Variants in WWP2 observed in about 807,000 individuals in gnomAD.
The protein encoded by WWP2 is NEDD4-like E3 ubiquitin-protein ligase WWP2.
Under a neutral mutation model 121.0 loss-of-function variants are expected in WWP2, and 57 were observed. That is an observed-to-expected ratio of 0.47 (90% CI 0.38 to 0.59). WWP2 has a LOEUF of 0.59. Ranked by LOEUF, WWP2 falls within the 20% of genes least tolerant of loss-of-function variation. The pLI, the probability that WWP2 is intolerant of heterozygous loss-of-function variation, is 0.00. For missense variants in WWP2, 962 were observed against 1,158.9 expected, an observed-to-expected ratio of 0.83 and a Z score of 2.47; for synonymous variants, 449 against 441.3, an observed-to-expected ratio of 1.02 and a Z score of -0.22.
At position 69,762,410 on chromosome 16, in the gene WWP2, G is replaced by A. The variant is rs1396813233; in HGVS notation, c.-16+19G>A. On this transcript the variant is annotated intron_variant, in intron 1 of 23. Coordinates refer to ENST00000359154, the MANE Select transcript of WWP2 (RefSeq NM_001270454.2). ...ACGGCAGGTAGCGAGCGCTGGCGCG[G>A]GGGGCGCGGTGGGCTGGCTGCCTGC... 3.3e-5 allele frequency: 5 copies of A among 149,524 alleles called. No homozygotes were observed. Among genetic ancestry groups the A allele is most frequent in the Admixed American group, 1.3e-4 (2 of 14,966 alleles). The allele number at this position is 149,524 out of a possible 1,614,324, so 9.3% of individuals were successfully genotyped here.
chr16:69,870,224 C>G (rs961241264), intron 6 of WWP2, among the ~76,000 whole-genome samples: 2 of 151,992 alleles, frequency 1.3e-5, no homozygotes, highest in African/African-American at 4.8e-5. Flanking sequence ...CACACAGTGC[C>G]TGGAACATAA....
chr16:69,903,754 A>T (rs2058242722), intron 8 of WWP2, among the ~76,000 whole-genome samples: 1 of 151,422 alleles, frequency 6.6e-6, no homozygotes, highest in Non-Finnish European at 1.5e-5. Flanking sequence ...GCGACAGAGC[A>T]AGAATCTGTC....
intron 7 of WWP2, among the ~76,000 whole-genome samples, chr16:69,885,622 G>A (rs940257290): frequency 1.3e-5 from 2 of 152,196 alleles, no homozygotes; most frequent in African/African-American, 4.8e-5. Flanking sequence ...GGTTGAATTA[G>A]AGGATGTGCA....
rs1361364883 is a variant in WWP2, at chr16:69,848,379, A to AG, written c.575+6260dup. 5.3e-5 allele frequency among the ~76,000 whole-genome samples: 8 copies of AG among 152,012 alleles called. No individual in the cohort carries two copies. In the South Asian group the frequency reaches 1.7e-3, roughly 32 times the overall value. On this transcript the variant is annotated intron_variant, in intron 6 of 23. Coordinates refer to ENST00000359154, the MANE Select transcript of WWP2 (RefSeq NM_001270454.2). ...GCAGGAGAATCACTTGAATCTGGGA[A>AG]GTGGAGGTTGTGGTGAGCCCAGATC...
At chr16:69,825,916 A>G (rs1295203087) in intron 4 of WWP2, among the ~76,000 whole-genome samples, 1 of 151,998 alleles carries the variant, frequency 6.6e-6, no homozygotes. Context: ...GAGCCACCAC[A>G]CCCTGCCTGG....
At chr16:69,906,277 T>C (rs191060987) in intron 8 of WWP2, among the ~76,000 whole-genome samples, 2 of 152,236 alleles carry the variant, frequency 1.3e-5, no homozygotes, top group East Asian at 1.9e-4. Context: ...TTTTACTGTG[T>C]TAGCCAGGAT....
intron 16 of WWP2, 144 bp from the exon 17 acceptor site, chr16:69,933,825 GC>G: frequency 2.3e-6 from 2 of 878,724 alleles, no homozygotes; most frequent in Middle Eastern, 3.1e-4. Context: ...ATATAGGTTA[GC>G]CCGGGTGCTT....
chr16:69,930,280 C>G (rs1204871961), intron 13 of WWP2, 22 bp downstream of exon 13: 1 of 1,611,666 alleles, frequency 6.2e-7, no homozygotes, highest in Non-Finnish European at 8.5e-7. Flanking sequence ...GTGCAGGTAG[C>G]AGCAGTGTCA....
At chr16:69,823,706 G>A (rs1434883701) in intron 4 of WWP2, among the ~76,000 whole-genome samples, 5 of 152,178 alleles carry the variant, frequency 3.3e-5, no homozygotes. Flanking sequence ...GACCTCAAGT[G>A]ATCTGCCTGC....
intron 6 of WWP2, among the ~76,000 whole-genome samples, chr16:69,848,167 G>A (rs545106111): frequency 4.3e-4 from 65 of 152,220 alleles, no homozygotes; most frequent in Non-Finnish European, 7.3e-4. Context: ...TCAGCTGGGC[G>A]CAGTGGCTCA....
intron 1 of WWP2, among the ~76,000 whole-genome samples, chr16:69,767,946 T>C (rs1448255530): frequency 3.3e-5 from 5 of 152,192 alleles, no homozygotes; most frequent in African/African-American, 4.8e-5. Flanking sequence ...CAAGTGATCC[T>C]CCCATCTTAG....
chr16:69,805,162 A>G (rs779372839), intron 4 of WWP2, among the ~76,000 whole-genome samples: 1 of 151,408 alleles, frequency 6.6e-6, no homozygotes, highest in Non-Finnish European at 1.5e-5. Context: ...GCCTCAGACT[A>G]CTGAGTAGCT....
rs143156114 is a variant in WWP2, at chr16:69,871,818, C to G, written c.590C>G (p.Ser197Trp). The G allele has an allele frequency of 6.2e-7, 1 of 1,614,112 alleles. No individual in the cohort carries two copies. Among genetic ancestry groups the G allele is most frequent in the African/African-American group, 1.3e-5 (1 of 75,048 alleles). ...TGAACCCCCAGGACGCACAGACATT[C>G]GGGTGCTTCAGCCAGAACAACCCCA... Reference protein sequence around the residue: ...FGGRSRTHRHSGASARTTPAT... With the variant: ...FGGRSRTHRHWGASARTTPAT... Residue 197 changes from serine to tryptophan, a missense_variant, in exon 7 of 24, where the codon TCG becomes TGG. Physicochemically the swap from Ser to Trp is radical, Grantham distance 177 (BLOSUM62 -3). This residue lies in a region of WWP2 where 211 missense variants were observed against 196.5 expected (regional missense o/e 1.07). Coordinates refer to ENST00000359154, the MANE Select transcript of WWP2 (RefSeq NM_001270454.2).
At position 69,843,337 on chromosome 16, in the gene WWP2, T is replaced by C. The variant is rs572349978; in HGVS notation, c.575+1217T>C. The stretch of plus-strand genomic sequence containing the variant: ...CTGAAATTCCCATTTTATACCTGTG[T>C]TAGTGGTGCAAACTCATTTCCATGG... On this transcript the variant is annotated intron_variant, in intron 6 of 23. Coordinates refer to ENST00000359154, the MANE Select transcript of WWP2 (RefSeq NM_001270454.2). Among the ~76,000 whole-genome samples, 4 of 152,208 alleles carry C rather than the reference T, an allele frequency of 2.6e-5. No individual in the cohort carries two copies. In the East Asian group the frequency reaches 7.7e-4, roughly 29 times the overall value.
chr16:69,902,998 G>A (rs547779617), intron 8 of WWP2, among the ~76,000 whole-genome samples: 1 of 152,330 alleles, frequency 6.6e-6, no homozygotes, highest in Admixed American at 6.5e-5. Flanking sequence ...TTTAATCTGA[G>A]CAGGGGTCCA....
chr16:69,893,298 C>T (rs748082528), intron 8 of WWP2, among the ~76,000 whole-genome samples: 2 of 152,176 alleles, frequency 1.3e-5, no homozygotes, highest in Admixed American at 6.5e-5. Flanking sequence ...CCAAGGTGGC[C>T]GGGAGCCTGG....
At chr16:69,921,209 T>TC (rs1280157708) in intron 10 of WWP2, among the ~76,000 whole-genome samples, 4 of 152,174 alleles carry the variant, frequency 2.6e-5, no homozygotes, top group Non-Finnish European at 4.4e-5. Context: ...TTGATTTTCC[T>TC]CCCCCTCTGG....
At chr16:69,826,124 G>A (rs2056683187) in intron 4 of WWP2, among the ~76,000 whole-genome samples, 2 of 151,502 alleles carry the variant, frequency 1.3e-5, no homozygotes, top group African/African-American at 2.4e-5. Context: ...AAAATTAGCC[G>A]GGTGTGGTGG....
Position 69,856,935 on chromosome 16 carries a change from GTT to G in WWP2, c.575+14821_575+14822del, listed in dbSNP as rs948998090. Among the ~76,000 whole-genome samples, 6 of 151,994 alleles carry G rather than the reference GTT, an allele frequency of 3.9e-5. No homozygotes were observed. The East Asian group carries it at 1.2e-3, about 29-fold the overall frequency. ...ATTTGGTACTTATATTTTAGGTAGT[GTT>G]TTTTTGTAACAGCATTTAACTAGAG... On this transcript the variant is annotated intron_variant, in intron 6 of 23. Transcript: ENST00000359154.
Sources: gnomAD v4.1 joint callset for allele counts (sites outside exome capture counted in the v4.1 genomes callset) on GRCh38, gnomAD v4.1.1 for gene constraint, gnomAD v4.1.1 regional missense constraint, MANE v1.5 for transcripts, NCBI Gene and HGNC (gene_info 2026-07-23, HGNC 2026-07-21) for gene names.